Variants in PDLIM5 observed in about 807,000 individuals in gnomAD.
PDLIM5 encodes PDZ and LIM domain protein 5.
Under a neutral mutation model 64.2 loss-of-function variants are expected in PDLIM5, and 34 were observed. That is an observed-to-expected ratio of 0.53 (90% CI 0.40 to 0.71). PDLIM5 has a LOEUF of 0.71. Ranked by LOEUF, PDLIM5 falls within the 30% of genes least tolerant of loss-of-function variation. PDLIM5 has a pLI of 0.00. For missense variants in PDLIM5, 683 were observed against 733.6 expected, an observed-to-expected ratio of 0.93 and a Z score of 0.80; for synonymous variants, 253 against 269.1, an observed-to-expected ratio of 0.94 and a Z score of 0.59.
intron 8 of PDLIM5, among the ~76,000 whole-genome samples, chr4:94,634,513 C>CTTATG (rs145223276): frequency 0.026 from 4,014 of 152,202 alleles, 160 homozygotes; most frequent in East Asian, 0.15. Flanking sequence ...TCCCAGCTGA[C>CTTATG]TTAAGTTTCC....
intron 11 of PDLIM5, among the ~76,000 whole-genome samples, chr4:94,660,000 G>A (rs540966604): frequency 1.3e-5 from 2 of 150,756 alleles, no homozygotes; most frequent in South Asian, 2.1e-4. Flanking sequence ...GGGTTCAGGC[G>A]ATTCTTCTGC....
intron 9 of PDLIM5, among the ~76,000 whole-genome samples, chr4:94,646,728 C>G (rs994881885): frequency 2.6e-5 from 4 of 152,066 alleles, no homozygotes; most frequent in Non-Finnish European, 5.9e-5. Context: ...ATATTTTGTA[C>G]AACAAATGTC....
At chr4:94,596,495 T>C (rs570880087) in intron 7 of PDLIM5, among the ~76,000 whole-genome samples, 1 of 152,114 alleles carries the variant, frequency 6.6e-6, no homozygotes, top group Non-Finnish European at 1.5e-5. Flanking sequence ...GAAACTTATG[T>C]TTACTAAAAC....
rs11097431 is a variant in PDLIM5, at chr4:94,585,691, G to A, written c.837G>A (p.Gln279=). The part of the protein sequence containing the change: ...EDWRPRTGTT[Q]SRSFRILAQI... ...GGCGTCCAAGGACTGGAACAACTCA[G>A]TCTCGCTCTTTCCGAATCCTTGCCC... The change falls in exon 6 of 13, where the codon CAG becomes CAA. Residue 279 remains glutamine (Q), a synonymous_variant. Transcript: ENST00000317968. 326,164 of 1,612,494 alleles carry A rather than the reference G, an allele frequency of 0.2. 34,913 individuals are homozygous for A. The highest frequency in any genetic ancestry group is 0.27 in the African/African-American group (20,063 of 74,908).
At chr4:94,606,327 A>C (rs1294675697) in intron 7 of PDLIM5, among the ~76,000 whole-genome samples, 1 of 152,188 alleles carries the variant, frequency 6.6e-6, no homozygotes, top group African/African-American at 2.4e-5. Context: ...ATGACAGCAC[A>C]TGACAGGGGC....
In PDLIM5 at chr4:94,667,740, A is replaced by C. The variant is rs950984506; in HGVS notation, c.*3673A>C. Reference sequence around the variant, plus strand: ...AAAAACAAATGGAAATAACAGCTCAAATCTTCAAAATATTACTATAGCATT... The same window carrying C: ...AAAAACAAATGGAAATAACAGCTCACATCTTCAAAATATTACTATAGCATT... On this transcript the variant is annotated 3_prime_UTR_variant, in exon 13 of 13. Transcript: ENST00000317968. The C allele has an allele frequency of 1.3e-5, 2 of 152,204 alleles. No individual in the cohort carries two copies. The allele number at this position is 152,204 out of a possible 1,614,324, so 9.4% of individuals were successfully genotyped here.
chr4:94,547,940 A>T (rs937206092), intron 3 of PDLIM5, among the ~76,000 whole-genome samples: 1 of 152,166 alleles, frequency 6.6e-6, no homozygotes, highest in Non-Finnish European at 1.5e-5. Context: ...CACTCCTGGT[A>T]AGTACAGTCC....
intron 2 of PDLIM5, among the ~76,000 whole-genome samples, chr4:94,505,013 T>C (rs1167097826): frequency 6.6e-6 from 1 of 152,164 alleles, no homozygotes; most frequent in Non-Finnish European, 1.5e-5. Context: ...TTTAAAGAGA[T>C]GGGCAGTGGG....
intron 7 of PDLIM5, among the ~76,000 whole-genome samples, chr4:94,597,167 A>T (rs2110341656): frequency 6.6e-6 from 1 of 152,304 alleles, no homozygotes; most frequent in African/African-American, 2.4e-5. Flanking sequence ...GAAGAAAAAA[A>T]TTGAGAATAA....
At chr4:94,534,983 A>G (rs554435716) in intron 3 of PDLIM5, among the ~76,000 whole-genome samples, 1 of 152,312 alleles carries the variant, frequency 6.6e-6, no homozygotes, top group East Asian at 1.9e-4. Context: ...AATGAAAGAA[A>G]AGTGAAGTCA....
Position 94,666,104 on chromosome 4 carries a change from C to A in PDLIM5, c.*2037C>A. 8.2e-7 allele frequency: 1 copy of A among 1,213,622 alleles called. No homozygotes were observed. Among genetic ancestry groups the A allele is most frequent in the Non-Finnish European group, 1.2e-6 (1 of 862,980 alleles). The allele number at this position is 1,213,622 out of a possible 1,614,324, so 75.2% of individuals were successfully genotyped here. On this transcript the variant is annotated 3_prime_UTR_variant, in exon 13 of 13. Coordinates refer to ENST00000317968, the MANE Select transcript of PDLIM5 (RefSeq NM_006457.5). The stretch of plus-strand genomic sequence containing the variant: ...AGGTGATTTTATAGTCGAGACAGAG[C>A]CCTAGGTCCTTCCTGCCCCATCACT...
At chr4:94,498,830 T>C (rs1049817976) in intron 2 of PDLIM5, among the ~76,000 whole-genome samples, 21 of 152,258 alleles carry the variant, frequency 1.4e-4, no homozygotes, top group Non-Finnish European at 2.9e-4. Context: ...GTGTGACCTT[T>C]CACAAGGCAA....
chr4:94,573,835 A>G (rs995903547), intron 4 of PDLIM5: 1 of 165,570 alleles, frequency 6.0e-6, no homozygotes, highest in African/African-American at 2.4e-5. Context: ...ATGTCTTCAA[A>G]ATAATTTCAA....
chr4:94,585,369 C>T (rs982436304), intron 5 of PDLIM5, among the ~76,000 whole-genome samples, 196 bp from the exon 6 acceptor site: 2 of 152,068 alleles, frequency 1.3e-5, no homozygotes, highest in Non-Finnish European at 1.5e-5. Context: ...GGATTACAGG[C>T]GTGAGCCACC....
chr4:94,527,507 A>G (rs768138244), intron 3 of PDLIM5, among the ~76,000 whole-genome samples: 8 of 152,210 alleles, frequency 5.3e-5, no homozygotes, highest in Admixed American at 2.0e-4. Flanking sequence ...GCATGAATAT[A>G]TACTACTATC....
rs539978519 is a variant in PDLIM5 at position 94,636,781 on chromosome 4, C to T, written c.1109-3495C>T. On this transcript the variant is annotated intron_variant, in intron 8 of 12. Transcript: ENST00000317968. ...CGATCTCCTGATCTCATGATCCGCC[C>T]GCCTCGGCCTCCCAAAGTGCTGGGA... is the stretch of plus-strand genomic sequence containing the variant. Among the ~76,000 whole-genome samples, 20 of 152,132 alleles carry T rather than the reference C, an allele frequency of 1.3e-4. No homozygotes were observed. The South Asian group carries it at 1.7e-3, about 13-fold the overall frequency.
At chr4:94,577,192 G>A (rs1016359921) in intron 5 of PDLIM5, 2 of 457,108 alleles carry the variant, frequency 4.4e-6, no homozygotes, top group African/African-American at 2.0e-5. Flanking sequence ...CTACAGGCCT[G>A]ATGGTTTTTA....
At chr4:94,595,071 GA>G (rs1736961058) in intron 7 of PDLIM5, among the ~76,000 whole-genome samples, 1 of 152,132 alleles carries the variant, frequency 6.6e-6, no homozygotes, top group African/African-American at 2.4e-5. Context: ...GCAGGAGAGA[GA>G]GAGAAGGGGG....
chr4:94,527,257 A>G (rs1018266706), intron 3 of PDLIM5, among the ~76,000 whole-genome samples: 6 of 150,178 alleles, frequency 4.0e-5, no homozygotes, highest in African/African-American at 1.5e-4. Context: ...GGGTTTCACC[A>G]TGTTGGCCAG....
Sources: allele counts gnomAD v4.1 joint callset (sites outside exome capture counted in the v4.1 genomes callset), GRCh38; gene constraint gnomAD v4.1.1; transcripts MANE v1.5; gene names NCBI Gene and HGNC (gene_info 2026-07-23, HGNC 2026-07-21).